Variants in RBFOX1 observed in about 807,000 individuals in gnomAD.
RBFOX1 encodes RNA binding protein fox-1 homolog 1.
In RBFOX1, 8 loss-of-function variants were observed where a neutral mutation model predicts 57.7. The observed-to-expected ratio is 0.14, with a 90% CI of 0.08 to 0.25. The LOEUF is 0.25. RBFOX1 is among the 10% of genes least tolerant of loss of function. The pLI, the probability that RBFOX1 is intolerant of heterozygous loss-of-function variation, is 1.00. For synonymous variants in RBFOX1, 326 were observed against 222.4 expected (o/e 1.47, Z -4.15); for missense variants, 611 against 548.5 (o/e 1.11, Z -1.14).
At chr16:5,934,817 T>C (rs909222060) in intron 4 of RBFOX1, among the ~76,000 whole-genome samples, 3 of 152,342 alleles carry the variant, frequency 2.0e-5, no homozygotes, top group African/African-American at 7.2e-5. Context: ...GACACTGATA[T>C]TCAGTGAAAG....
intron 3 of RBFOX1, among the ~76,000 whole-genome samples, chr16:6,898,289 C>G (rs961510448): frequency 6.6e-6 from 1 of 152,128 alleles, no homozygotes. Context: ...CATCTGACCC[C>G]TGCCCCTCCA....
chr16:7,053,520 T>C (rs2050827187), intron 4 of RBFOX1, among the ~76,000 whole-genome samples: 1 of 152,242 alleles, frequency 6.6e-6, no homozygotes, highest in Non-Finnish European at 1.5e-5. Context: ...GAGAAATATG[T>C]GCCTTTGTCT....
At chr16:7,589,280 G>A (rs1567977619) in intron 7 of RBFOX1, among the ~76,000 whole-genome samples, 1 of 152,090 alleles carries the variant, frequency 6.6e-6, no homozygotes. Context: ...ATTTTGTTTT[G>A]TAACTTTTGC....
chr16:7,084,275 C>G (rs74008719), intron 4 of RBFOX1, among the ~76,000 whole-genome samples: 1,519 of 151,366 alleles, frequency 0.01, 26 homozygotes, highest in African/African-American at 0.032. Context: ...GAGGTATGAA[C>G]TAATATATAT....
chr16:7,440,440 T>C (rs1219556935), intron 4 of RBFOX1, among the ~76,000 whole-genome samples: 1 of 152,138 alleles, frequency 6.6e-6, no homozygotes, highest in Non-Finnish European at 1.5e-5. Flanking sequence ...TCCCTTTGTA[T>C]GTCCACAACC....
At chr16:5,687,350 A>C (rs936105717) in intron 3 of RBFOX1, among the ~76,000 whole-genome samples, 3 of 151,132 alleles carry the variant, frequency 2.0e-5, no homozygotes, top group African/African-American at 7.3e-5. Flanking sequence ...CCTGCTTACC[A>C]CTCCCTCCCC....
rs549652637 is a variant in RBFOX1, at chr16:5,676,329, A to G, written c.318+77368A>G. 9.9e-5 allele frequency among the ~76,000 whole-genome samples: 15 copies of G among 152,194 alleles called. 1 individual carries two copies. The South Asian group carries it at 1.0e-3, about 11-fold the overall frequency. On this transcript the variant is annotated intron_variant, in intron 3 of 19. Transcript: ENST00000641259. Reference sequence around the variant, plus strand: ...TATCCATTCATCTATACTTGCATCTATCACTTATTAAGGTAACTTTTATGA... The same window carrying G: ...TATCCATTCATCTATACTTGCATCTGTCACTTATTAAGGTAACTTTTATGA...
intron 4 of RBFOX1, among the ~76,000 whole-genome samples, chr16:7,282,931 A>T (rs2095575569): frequency 3.3e-5 from 5 of 152,128 alleles, no homozygotes. Flanking sequence ...TTTATGGTTG[A>T]GTAGTCCATC....
At chr16:7,499,584 C>T (rs1402309433) in intron 4 of RBFOX1, among the ~76,000 whole-genome samples, 1 of 151,958 alleles carries the variant, frequency 6.6e-6, no homozygotes, top group Non-Finnish European at 1.5e-5. Flanking sequence ...GACTGGATTC[C>T]AAGAATCTTC....
At chr16:6,759,631 A>G (rs1010690785) in intron 3 of RBFOX1, among the ~76,000 whole-genome samples, 5 of 151,850 alleles carry the variant, frequency 3.3e-5, no homozygotes, top group African/African-American at 1.2e-4. Context: ...GCATGTAGGG[A>G]TTTATTTAGG....
At chr16:7,665,298 G>C (rs553153043) in intron 13 of RBFOX1, among the ~76,000 whole-genome samples, 2 of 152,198 alleles carry the variant, frequency 1.3e-5, no homozygotes, top group East Asian at 1.9e-4. Context: ...TATGTTCTTC[G>C]TTTTCAGTAT....
intron 3 of RBFOX1, among the ~76,000 whole-genome samples, chr16:6,791,099 GT>G (rs1304855549): frequency 6.6e-6 from 1 of 151,902 alleles, no homozygotes; most frequent in Non-Finnish European, 1.5e-5. Context: ...TAGGGATGGG[GT>G]TTTGCCATCT....
chr16:7,006,317 G>C (rs1166188231), intron 3 of RBFOX1, among the ~76,000 whole-genome samples: 2 of 152,040 alleles, frequency 1.3e-5, no homozygotes, highest in East Asian at 3.9e-4. Context: ...AGTATACCCA[G>C]CTAATTTTTG....
At chr16:6,635,917 T>C (rs973476029) in intron 2 of RBFOX1, among the ~76,000 whole-genome samples, 2 of 152,146 alleles carry the variant, frequency 1.3e-5, no homozygotes, top group African/African-American at 4.8e-5. Flanking sequence ...TTTTGGAATA[T>C]TGACACATAC....
chr16:5,729,886 G>A (rs1027268359), intron 3 of RBFOX1, among the ~76,000 whole-genome samples: 5 of 152,178 alleles, frequency 3.3e-5, no homozygotes, highest in Admixed American at 6.5e-5. Flanking sequence ...CTAGCCCCGA[G>A]AGCTGCATAC....
chr16:7,307,291 A>T (rs560165566), intron 4 of RBFOX1, among the ~76,000 whole-genome samples: 12 of 152,330 alleles, frequency 7.9e-5, no homozygotes, highest in South Asian at 6.2e-4. Flanking sequence ...TGACTTCATT[A>T]AATGCTTTCT....
At chr16:5,838,308 G>T (rs2056525344) in intron 3 of RBFOX1, 2 of 219,886 alleles carry the variant, frequency 9.1e-6, no homozygotes, top group Middle Eastern at 1.8e-3. Flanking sequence ...CTTTCCACAT[G>T]TACACCTGCA....
chr16:7,372,292 A>G (rs1568472574), intron 4 of RBFOX1, among the ~76,000 whole-genome samples: 1 of 152,176 alleles, frequency 6.6e-6, no homozygotes, highest in Non-Finnish European at 1.5e-5. Context: ...TGAGAGCGGG[A>G]TCATGTCGGT....
intron 1 of RBFOX1, among the ~76,000 whole-genome samples, chr16:5,427,789 G>C (rs1190015100): frequency 6.6e-6 from 1 of 152,118 alleles, no homozygotes; most frequent in Non-Finnish European, 1.5e-5. Context: ...ACCCACATTA[G>C]AGAGTCAACC....
Sources: allele counts gnomAD v4.1 joint callset (sites outside exome capture counted in the v4.1 genomes callset), GRCh38; gene constraint gnomAD v4.1.1; transcripts MANE v1.5; gene names NCBI Gene and HGNC (gene_info 2026-07-23, HGNC 2026-07-21).